The following APOB variants were observed in gnomAD, a reference collection of about 807,000 sequenced individuals.
The protein encoded by APOB is apolipoprotein B-100.
APOB carries 153 observed loss-of-function variants against 314.1 expected under a neutral mutation model. The ratio of observed to expected loss-of-function variants is 0.49; its 90% CI spans 0.43 to 0.56. The LOEUF (loss-of-function observed/expected upper bound fraction) is 0.56, where lower values mean the gene tolerates loss of function less well. Ranked by LOEUF, APOB falls within the 20% of genes least tolerant of loss-of-function variation. The probability of loss-of-function intolerance (pLI) is 0.00; values close to 1 mark genes in which losing one functional copy is unlikely to be tolerated. For synonymous variants in APOB, 2,087 were observed against 2,036.4 expected (o/e 1.02, Z -0.67); for missense variants, 5,430 against 5,350.7 (o/e 1.01, Z -0.46).
In APOB at chr2:21,007,112, A is replaced by G. The variant is rs2103352646; in HGVS notation, c.9756T>C (p.Thr3252=). 6.2e-7 allele frequency: 1 copy of G among 1,614,034 alleles called. No individual in the cohort carries two copies. The highest frequency in any genetic ancestry group is 8.5e-7 in the Non-Finnish European group (1 of 1,179,942). ...ACACTTCAACATTGACAACTGGAAC[A>G]GTGTATCCAGGAATTTGAAAGGTCC... is the stretch of plus-strand genomic sequence containing the variant. ...LPRTFQIPGY[T]VPVVNVEVSP... Residue 3252 remains threonine, a synonymous_variant, in exon 26 of 29, where the codon ACT becomes ACC. Transcript: ENST00000233242.
Position 21,008,467 on chromosome 2 carries a change from A to G in APOB, c.8401T>C (p.Leu2801=), listed in dbSNP as rs751460215. The G allele has an allele frequency of 6.2e-7, 1 of 1,614,078 alleles. No individual in the cohort carries two copies. The highest frequency in any genetic ancestry group is 8.5e-7 in the Non-Finnish European group (1 of 1,179,980). ...ASITAKGESK[L]EVLNFDFQAN... is the part of the protein sequence containing the mutation. ...TGAAAATCAAAATTGAGAACTTCTA[A>G]TTTGGACTCTCCTTTGGCAGTGATG... Residue 2801 remains leucine, a synonymous_variant, in exon 26 of 29, where the codon TTA becomes CTA. Coordinates refer to ENST00000233242, the MANE Select transcript of APOB (RefSeq NM_000384.3).
intron 21 of APOB, among the ~76,000 whole-genome samples, chr2:21,016,121 C>A (rs12720800): frequency 0.011 from 1,694 of 152,210 alleles, 11 homozygotes; most frequent in Middle Eastern, 0.034. Flanking sequence ...AACCCTGTCT[C>A]TACTAAAAAT....
At position 21,008,273 on chromosome 2, in the gene APOB, A is replaced by G. The variant is rs1004052952; in HGVS notation, c.8595T>C (p.Asn2865=). ...NTVASLHTEK[N]TLELSNGVIV... ...TCACTCCATTACTAAGCTCCAGTGTATTTTTTTCTGTGTGTAAACTTGCCA... is the reference window on the plus strand; with the variant it reads ...TCACTCCATTACTAAGCTCCAGTGTGTTTTTTTCTGTGTGTAAACTTGCCA... Residue 2865 remains asparagine, a synonymous_variant, in exon 26 of 29, where the codon AAT becomes AAC. Coordinates refer to ENST00000233242, the MANE Select transcript of APOB (RefSeq NM_000384.3). 1 of 1,613,584 alleles carries G rather than the reference A, an allele frequency of 6.2e-7. No individual in the cohort carries two copies. Among genetic ancestry groups the G allele is most frequent in the Non-Finnish European group, 8.5e-7 (1 of 1,179,828 alleles).
At position 21,005,686 on chromosome 2, in the gene APOB, C is replaced by A; in HGVS notation, c.11182G>T (p.Asp3728Tyr). 6.2e-7 allele frequency: 1 copy of A among 1,613,920 alleles called. No individual in the cohort carries two copies. The highest frequency in any genetic ancestry group is 2.2e-5 in the East Asian group (1 of 44,878). The change falls in exon 26 of 29, where the codon GAT becomes TAT. Residue 3728 changes from aspartate to tyrosine, a missense_variant. Around this residue, in one of 3 missense-constraint regions of APOB, gnomAD observed 3,281 missense variants for 3,171.0 expected, o/e 1.03. Coordinates refer to ENST00000233242, the MANE Select transcript of APOB (RefSeq NM_000384.3). Reference sequence around the variant, plus strand: ...TTCAGCCCAGGAATAATGAATTTATCAGCCAAAACTTTTACAGGGATGGAG... The same window carrying A: ...TTCAGCCCAGGAATAATGAATTTATAAGCCAAAACTTTTACAGGGATGGAG... Reference protein sequence around the residue: ...SFSIPVKVLADKFIIPGLKLN... With the variant: ...SFSIPVKVLAYKFIIPGLKLN...
At chr2:21,013,574 T>G in intron 24 of APOB, 41 bp from the exon 25 acceptor site, 1 of 1,613,054 alleles carries the variant, frequency 6.2e-7, no homozygotes, top group Non-Finnish European at 8.5e-7. Flanking sequence ...CAGTCAGACA[T>G]CAGTCATTCA....
chr2:21,031,873 AC>A (rs1275218474), intron 10 of APOB, among the ~76,000 whole-genome samples: 19 of 152,204 alleles, frequency 1.2e-4, no homozygotes, highest in Admixed American at 7.8e-4. Flanking sequence ...ACAAAAAAAA[AC>A]AAAACAAACA....
At chr2:21,005,050 A>G (rs1663089204) in intron 26 of APOB, 30 bp downstream of exon 26, 2 of 1,610,076 alleles carry the variant, frequency 1.2e-6, no homozygotes, top group East Asian at 4.5e-5. Context: ...AATATACAGT[A>G]TCTAGGAGAG....
At position 21,037,137 on chromosome 2, in the gene APOB, C is replaced by G; in HGVS notation, c.656G>C (p.Arg219Pro). 6.2e-7 allele frequency: 1 copy of G among 1,614,178 alleles called. No homozygotes were observed. The highest frequency in any genetic ancestry group is 8.5e-7 in the Non-Finnish European group (1 of 1,180,040). The change falls in exon 6 of 29, where the codon CGC becomes CCC. Residue 219 changes from arginine to proline, a missense_variant. By Grantham distance (103) the Arg-to-Pro change is moderately radical (BLOSUM62 -2). Coordinates refer to ENST00000233242, the MANE Select transcript of APOB (RefSeq NM_000384.3). ...GAGAGCAAGTGGGCTGATGCCTGTGCGGATGGGCTTGAAGCGATCACACTG... is the reference window on the plus strand; with the variant it reads ...GAGAGCAAGTGGGCTGATGCCTGTGGGGATGGGCTTGAAGCGATCACACTG... ...LGQCDRFKPIRTGISPLALIK... is the reference protein window; with the variant it reads ...LGQCDRFKPIPTGISPLALIK...
At position 21,006,408 on chromosome 2, in the gene APOB, G is replaced by A. The variant is rs369574095; in HGVS notation, c.10460C>T (p.Thr3487Ile). Residue 3487 changes from threonine (T) to isoleucine (I), a missense_variant, in exon 26 of 29, where the codon ACC becomes ATC. Coordinates refer to ENST00000233242, the MANE Select transcript of APOB (RefSeq NM_000384.3). Reference sequence around the variant, plus strand: ...AGATGACTCAATGGAAAAGTAAGAGGTGAGGCTTTCCAAGCTAAGCTTGTG... The same window carrying A: ...AGATGACTCAATGGAAAAGTAAGAGATGAGGCTTTCCAAGCTAAGCTTGTG... ...VDHKLSLESL[T>I]SYFSIESSTK... is the part of the protein sequence containing the mutation. The A allele has an allele frequency of 1.2e-6, 2 of 1,614,070 alleles. No homozygotes were observed. Among genetic ancestry groups the A allele is most frequent in the Non-Finnish European group, 1.7e-6 (2 of 1,179,970 alleles).
At chr2:21,003,479 C>T in intron 28 of APOB, 145 bp from the exon 29 acceptor site, 1 of 763,924 alleles carries the variant, frequency 1.3e-6, no homozygotes, top group Non-Finnish European at 2.2e-6. Context: ...TATGTCAGTT[C>T]ATGTGTTTGT....
intron 18 of APOB, among the ~76,000 whole-genome samples, chr2:21,020,553 A>G (rs1385063357): frequency 6.6e-6 from 1 of 152,174 alleles, no homozygotes; most frequent in Non-Finnish European, 1.5e-5. Context: ...GACCTCCCAG[A>G]AGCCTTCCAT....
rs1663134322 is a variant in APOB, at chr2:21,006,237, A to G, written c.10631T>C (p.Leu3544Pro). The G allele has an allele frequency of 1.2e-6, 2 of 1,614,080 alleles. No homozygotes were observed. The highest frequency in any genetic ancestry group is 1.7e-6 in the Non-Finnish European group (2 of 1,179,962). Residue 3544 changes from leucine (L) to proline (P), a missense_variant, in exon 26 of 29, where the codon CTT becomes CCT. Coordinates refer to ENST00000233242, the MANE Select transcript of APOB (RefSeq NM_000384.3). ...GTSKIDDIWN[L>P]EVKENFAGEA... is the part of the protein sequence containing the mutation. ...TCCAGCAAAATTTTCTTTTACTTCA[A>G]GGTTCCAGATATCATCAATTTTGGA...
chr2:21,011,202 G>C lies in APOB; in HGVS notation c.5666C>G (p.Ser1889Ter). 1 of 1,614,212 alleles carries C rather than the reference G, an allele frequency of 6.2e-7. No individual in the cohort carries two copies. Among genetic ancestry groups the C allele is most frequent in the East Asian group, 2.2e-5 (1 of 44,886 alleles). The change falls in exon 26 of 29, where the codon TCA (serine) becomes TGA (stop). Residue 1889 changes from serine to a stop codon, truncating the protein, a stop_gained. Coordinates refer to ENST00000233242, the MANE Select transcript of APOB (RefSeq NM_000384.3). LOFTEE classifies it high-confidence loss of function. ...IDMSTNYNSD[S>*]LHFSNVFRSV... ...ACGGAAGACATTGCTGAAATGCAGT[G>C]AGTCTGAATTATAGTTTGTGCTCAT...
At chr2:21,029,366 T>G (rs1432643907) in intron 12 of APOB, among the ~76,000 whole-genome samples, 1 of 152,060 alleles carries the variant, frequency 6.6e-6, no homozygotes, top group Admixed American at 6.5e-5. Context: ...CAGAGAGAAT[T>G]GCTTGAACCC....
rs1271017769 is a variant in APOB, at chr2:21,011,233, T to C, written c.5635A>G (p.Ile1879Val). The C allele has an allele frequency of 6.2e-7, 1 of 1,614,250 alleles. No homozygotes were observed. The highest frequency in any genetic ancestry group is 8.5e-7 in the Non-Finnish European group (1 of 1,180,038). Residue 1879 changes from isoleucine (I) to valine (V), a missense_variant, in exon 26 of 29, where the codon ATT becomes GTT. By Grantham distance (29) the Ile-to-Val change is conservative. Transcript: ENST00000233242. ...NTDIAGLASA[I>V]DMSTNYNSDS... ...GAATTATAGTTTGTGCTCATGTCAA[T>C]GGCTGAAGCCAGCCCAGCGATGTCT...
At chr2:21,041,171 G>A (rs796705675) in intron 3 of APOB, 88 bp from the exon 4 acceptor site, 9 of 1,392,648 alleles carry the variant, frequency 6.5e-6, no homozygotes, top group African/African-American at 1.4e-5. Context: ...TCTAATCAGA[G>A]CACCAAAGGG....
At position 21,032,357 on chromosome 2, in the gene APOB, T is replaced by C. The variant is rs1177893034; in HGVS notation, c.1349A>G (p.Asn450Ser). ...ATLYALSHAV[N>S]NYHKTNPTGT... ...GAAATACAGTGTGGAAACTCACTTG[T>C]TGACCGCGTGGCTCAGCGCATACAA... Residue 450 changes from asparagine (N) to serine (S), a missense_variant, in exon 10 of 29, where the codon AAC becomes AGC. Physicochemically the swap from Asn to Ser is conservative, Grantham distance 46. Around this residue, in one of 3 missense-constraint regions of APOB, gnomAD observed 2,085 missense variants for 2,079.7 expected, o/e 1.00. Coordinates refer to ENST00000233242, the MANE Select transcript of APOB (RefSeq NM_000384.3). 1.9e-6 allele frequency: 3 copies of C among 1,612,610 alleles called. No individual in the cohort carries two copies. The highest frequency in any genetic ancestry group is 1.3e-5 in the African/African-American group (1 of 74,928).
At chr2:21,018,472 C>T (rs1196837299) in intron 20 of APOB, among the ~76,000 whole-genome samples, 1 of 152,188 alleles carries the variant, frequency 6.6e-6, no homozygotes. Flanking sequence ...ATACTGTCTT[C>T]CTTCCTTTCC....
At position 21,034,892 on chromosome 2, in the gene APOB, A is replaced by G; in HGVS notation, c.828T>C (p.Tyr276=). The change falls in exon 8 of 29, where the codon TAT becomes TAC. Residue 276 remains tyrosine (Y), a synonymous_variant. Coordinates refer to ENST00000233242, the MANE Select transcript of APOB (RefSeq NM_000384.3). ...LFLPFSYKNK[Y]GMVAQVTQTL... is the part of the protein sequence containing the mutation. ...TCTGTGTCACTTGTGCTACCATCCC[A>G]TACTTATTCCTGGTAACCAAGGAAG... The G allele has an allele frequency of 6.4e-7, 1 of 1,562,682 alleles. No individual in the cohort carries two copies.
Sources: gnomAD v4.1 joint callset for allele counts (sites outside exome capture counted in the v4.1 genomes callset) on GRCh38, gnomAD v4.1.1 for gene constraint, gnomAD v4.1.1 regional missense constraint, MANE v1.5 for transcripts, NCBI Gene and HGNC (gene_info 2026-07-23, HGNC 2026-07-21) for gene names.